NREP: variants seen among roughly 807,000 people sequenced by gnomAD.
NREP encodes the protein neuronal regeneration related protein.
Under a neutral mutation model 8.6 loss-of-function variants are expected in NREP, and 5 were observed. The observed-to-expected ratio is 0.58, with a 90% CI of 0.30 to 1.22. The LOEUF is 1.22. NREP is among the 50% of genes most tolerant of loss of function. The pLI, the probability that NREP is intolerant of heterozygous loss-of-function variation, is 0.07. For missense variants in NREP, 86 were observed against 82.5 expected (o/e 1.04, Z -0.17); for synonymous variants, 27 against 28.0 (o/e 0.96, Z 0.11).
intron 2 of NREP, among the ~76,000 whole-genome samples, chr5:111,944,451 G>A (rs1368046593): frequency 1.3e-5 from 2 of 152,040 alleles, no homozygotes; most frequent in Admixed American, 6.6e-5. Context: ...GGGACCATAG[G>A]CATGTACCAC....
chr5:111,969,528 A>C (rs760357103), intron 2 of NREP: 1 of 152,218 alleles, frequency 6.6e-6, no homozygotes, highest in Non-Finnish European at 1.5e-5. Context: ...TAAATGAGAA[A>C]GGAATTGGTG....
chr5:111,742,877 C>T (rs1438282446), intron 2 of NREP, among the ~76,000 whole-genome samples: 1 of 152,150 alleles, frequency 6.6e-6, no homozygotes, highest in Admixed American at 6.6e-5. Flanking sequence ...AAGGGAGTCA[C>T]TGATCGAGGA....
intron 1 of NREP, among the ~76,000 whole-genome samples, chr5:111,756,767 G>A (rs1561652385): frequency 6.6e-6 from 1 of 152,130 alleles, no homozygotes; most frequent in Non-Finnish European, 1.5e-5. Flanking sequence ...TAAAAAGGGA[G>A]GAAAAGCTTG....
At chr5:111,882,174 G>T (rs914445234) in intron 2 of NREP, among the ~76,000 whole-genome samples, 1 of 152,212 alleles carries the variant, frequency 6.6e-6, no homozygotes, top group African/African-American at 2.4e-5. Flanking sequence ...GGAGAACTAC[G>T]TGAAGAATGC....
chr5:111,762,875 C>T (rs990642548), intron 2 of NREP, among the ~76,000 whole-genome samples: 9 of 152,132 alleles, frequency 5.9e-5, no homozygotes, highest in African/African-American at 9.7e-5. Context: ...TATGAGGTTT[C>T]GGATATTCTA....
At chr5:111,778,340 T>C (rs1751412374) in intron 2 of NREP, among the ~76,000 whole-genome samples, 1 of 152,148 alleles carries the variant, frequency 6.6e-6, no homozygotes, top group Non-Finnish European at 1.5e-5. Context: ...GTGTTAAATG[T>C]CCACAACATC....
chr5:111,747,061 A>G (rs527896129), intron 2 of NREP, among the ~76,000 whole-genome samples: 13 of 152,274 alleles, frequency 8.5e-5, no homozygotes, highest in South Asian at 4.1e-4. Flanking sequence ...CATGGTCCCA[A>G]TGAGCCTTCT....
intron 2 of NREP, among the ~76,000 whole-genome samples, chr5:111,836,397 G>T (rs1454172423): frequency 2.0e-5 from 3 of 152,012 alleles, no homozygotes; most frequent in Non-Finnish European, 4.4e-5. Flanking sequence ...CAATACATTA[G>T]CAAAATTCTG....
chr5:111,896,037 A>C lies in NREP; in HGVS notation c.135+79237T>G, dbSNP rs544184792. On this transcript the variant is annotated intron_variant, in intron 2 of 3. Transcript: ENST00000395634. Reference sequence around the variant, plus strand: ...TATAATAATAGTGATGGAAAGTTATAGTAGTGCTTTAAGAGAGTAACATGA... The same window carrying C: ...TATAATAATAGTGATGGAAAGTTATCGTAGTGCTTTAAGAGAGTAACATGA... Among the ~76,000 whole-genome samples the C allele has an allele frequency of 2.0e-5, 3 of 152,340 alleles. No homozygotes were observed. The East Asian group carries it at 5.8e-4, about 29-fold the overall frequency.
chr5:111,745,822 A>G (rs1749966603), intron 2 of NREP, among the ~76,000 whole-genome samples: 1 of 152,188 alleles, frequency 6.6e-6, no homozygotes, highest in Admixed American at 6.5e-5. Context: ...TAAGAATGAT[A>G]AATTCAGGAA....
chr5:111,975,429 C>T (rs534999972), intron 1 of NREP: 5 of 1,244,850 alleles, frequency 4.0e-6, no homozygotes, highest in Admixed American at 2.0e-5. Context: ...CCCCTGAGTG[C>T]CACAACTCAC....
chr5:111,828,625 A>T (rs1752685828), intron 2 of NREP, among the ~76,000 whole-genome samples: 1 of 152,154 alleles, frequency 6.6e-6, no homozygotes, highest in African/African-American at 2.4e-5. Context: ...TTGGAAATAA[A>T]AAAAATGACT....
At chr5:111,937,528 C>T (rs1755717476) in intron 2 of NREP, among the ~76,000 whole-genome samples, 1 of 152,032 alleles carries the variant, frequency 6.6e-6, no homozygotes, top group African/African-American at 2.4e-5. Context: ...TAACTGCATA[C>T]AGAGAAAAGG....
chr5:111,865,937 C>T (rs956176578), intron 2 of NREP, among the ~76,000 whole-genome samples: 5 of 152,126 alleles, frequency 3.3e-5, no homozygotes, highest in Admixed American at 1.3e-4. Flanking sequence ...AACTGTTCAA[C>T]AATGCATAAA....
intron 2 of NREP, among the ~76,000 whole-genome samples, chr5:111,888,506 G>T (rs543072712): frequency 1.3e-5 from 2 of 152,202 alleles, no homozygotes; most frequent in South Asian, 4.2e-4. Context: ...AGAACATCAT[G>T]GGGGAAACTG....
At chr5:111,971,147 T>C (rs1756805549) in intron 2 of NREP, among the ~76,000 whole-genome samples, 1 of 152,188 alleles carries the variant, frequency 6.6e-6, no homozygotes, top group African/African-American at 2.4e-5. Context: ...GGATTCAAAA[T>C]TGGTATGAGG....
chr5:111,940,765 T>C (rs1561358383), intron 2 of NREP, among the ~76,000 whole-genome samples: 1 of 152,044 alleles, frequency 6.6e-6, no homozygotes, highest in Non-Finnish European at 1.5e-5. Flanking sequence ...CTTCTGGTAC[T>C]CACTGCAAGT....
At chr5:111,882,071 C>G (rs963834203) in intron 2 of NREP, among the ~76,000 whole-genome samples, 10 of 152,006 alleles carry the variant, frequency 6.6e-5, no homozygotes, top group East Asian at 5.8e-4. Context: ...CAAAGAAGTT[C>G]AAAACTTTGA....
chr5:111,783,077 C>G (rs1581114377), intron 2 of NREP, among the ~76,000 whole-genome samples: 1 of 152,070 alleles, frequency 6.6e-6, no homozygotes, highest in South Asian at 2.1e-4. Flanking sequence ...TCTGGGTGAA[C>G]TCATGGTAAG....
Sources: allele counts gnomAD v4.1 joint callset (sites outside exome capture counted in the v4.1 genomes callset), GRCh38; gene constraint gnomAD v4.1.1; transcripts MANE v1.5; gene names NCBI Gene and HGNC (gene_info 2026-07-23, HGNC 2026-07-21).